ARHGEF10L: variants seen among roughly 807,000 people sequenced by gnomAD.
The protein encoded by ARHGEF10L is rho guanine nucleotide exchange factor 10-like protein.
Under a neutral mutation model 141.2 loss-of-function variants are expected in ARHGEF10L, and 69 were observed. The observed-to-expected ratio is 0.49, with a 90% CI of 0.40 to 0.60. ARHGEF10L has a LOEUF of 0.60. ARHGEF10L is among the 20% of genes least tolerant of loss of function. ARHGEF10L has a pLI of 0.00. For synonymous variants in ARHGEF10L, 711 were observed against 718.5 expected (o/e 0.99, Z 0.17); for missense variants, 1,482 against 1,734.3 (o/e 0.85, Z 2.58).
At chr1:17,593,240 A>G (rs562382174) in intron 4 of ARHGEF10L, among the ~76,000 whole-genome samples, 1 of 152,318 alleles carries the variant, frequency 6.6e-6, no homozygotes, top group African/African-American at 2.4e-5. Context: ...GAGATGGTGC[A>G]ACAATACTAA....
Position 17,664,471 on chromosome 1 carries a change from G to A in ARHGEF10L, c.2885G>A (p.Ser962Asn), listed in dbSNP as rs369004466. ...TSGGVLWDLE[S>N]PPVCLTVGPG... ...GGAGGTGTCCTGTGGGACCTGGAGAGCCCTCCCGTGTGCCTGACTGTGGGG... is the reference window on the plus strand; with the variant it reads ...GGAGGTGTCCTGTGGGACCTGGAGAACCCTCCCGTGTGCCTGACTGTGGGG... Residue 962 changes from serine (S) to asparagine (N), a missense_variant, in exon 26 of 29, where the codon AGC becomes AAC. Ser to Asn is a conservative substitution (Grantham distance 46). This residue lies in a region of ARHGEF10L where 858 missense variants were observed against 966.3 expected (regional missense o/e 0.89). Coordinates refer to ENST00000361221, the MANE Select transcript of ARHGEF10L (RefSeq NM_018125.4). 132 of 1,605,484 alleles carry A rather than the reference G, an allele frequency of 8.2e-5. No homozygotes were observed. Among genetic ancestry groups the A allele is most frequent in the Non-Finnish European group, 9.7e-5 (115 of 1,179,802 alleles).
In ARHGEF10L at chr1:17,637,981, G is replaced by A. The variant is rs2061109298; in HGVS notation, c.2021G>A (p.Ser674Asn). 2 of 1,592,954 alleles carry A rather than the reference G, an allele frequency of 1.3e-6. No homozygotes were observed. Among genetic ancestry groups the A allele is most frequent in the Admixed American group, 3.5e-5 (2 of 57,298 alleles). Residue 674 changes from serine (S) to asparagine (N), a missense_variant, in exon 19 of 29, where the codon AGC (serine) becomes AAC (asparagine). Around this residue, in one of 3 missense-constraint regions of ARHGEF10L, gnomAD observed 858 missense variants for 966.3 expected, o/e 0.89. Coordinates refer to ENST00000361221, the MANE Select transcript of ARHGEF10L (RefSeq NM_018125.4). ...GTGGAGCAGATCACGCTTCTCATCAGCACGCTGCACGGCACCTACCAGGTA... is the reference window on the plus strand; with the variant it reads ...GTGGAGCAGATCACGCTTCTCATCAACACGCTGCACGGCACCTACCAGGTA... ...AVVEQITLLI[S>N]TLHGTYQNLN...
At chr1:17,689,073 A>G (rs771805448) in intron 27 of ARHGEF10L, among the ~76,000 whole-genome samples, 2 of 152,090 alleles carry the variant, frequency 1.3e-5, no homozygotes, top group Non-Finnish European at 2.9e-5. Flanking sequence ...AGATGCAGAC[A>G]CTGAGATTGG....
chr1:17,621,716 G>A lies in ARHGEF10L; in HGVS notation c.943-148G>A, dbSNP rs2060117796. 2 of 699,852 alleles carry A rather than the reference G, an allele frequency of 2.9e-6. No individual in the cohort carries two copies. The highest frequency in any genetic ancestry group is 2.5e-6 in the Non-Finnish European group (1 of 395,166). The allele number at this position is 699,852 out of a possible 1,614,324, so 43.4% of individuals were successfully genotyped here. On this transcript the variant is annotated intron_variant, in intron 10 of 28. Transcript: ENST00000361221. The surrounding 1 kb of genome is among the most constrained non-coding windows in gnomAD (Gnocchi z 4.1). ...TTTAGGGTTGGCAGGGGCTCTGGAA[G>A]GAAGAGTGGCCACCAGGCCCAGTGG...
the ARHGEF10L span, among the ~76,000 whole-genome samples, chr1:17,526,215 A>G: frequency 2.4e-3 from 372 of 152,226 alleles, 10 homozygotes; most frequent in East Asian, 0.067. Flanking sequence ...TGCAAAGCCC[A>G]GGGAGCACAG....
At chr1:17,670,014 C>T (rs549917425) in intron 26 of ARHGEF10L, among the ~76,000 whole-genome samples, 7 of 152,358 alleles carry the variant, frequency 4.6e-5, no homozygotes, top group Admixed American at 1.3e-4. Context: ...CCAGGATCCC[C>T]GAGCTCGGCT....
intron 25 of ARHGEF10L, 40 bp from the exon 26 acceptor site, chr1:17,664,407 C>T (rs112137144): frequency 1.4e-4 from 218 of 1,586,154 alleles, no homozygotes; most frequent in African/African-American, 5.1e-4. Flanking sequence ...ACCTGCTTGC[C>T]GCTCCTGGCC....
chr1:17,577,627 G>A (rs1024017600), intron 1 of ARHGEF10L, among the ~76,000 whole-genome samples: 1 of 152,288 alleles, frequency 6.6e-6, no homozygotes. Context: ...CTGCGTCCTC[G>A]TCCCGACACT....
At chr1:17,518,992 A>G in the ARHGEF10L span, among the ~76,000 whole-genome samples, 1 of 151,262 alleles carries the variant, frequency 6.6e-6, no homozygotes, top group Non-Finnish European at 1.5e-5. Context: ...CCTGACCAAC[A>G]TGGAGAAACC....
At position 17,566,183 on chromosome 1, in the gene ARHGEF10L, A is replaced by G. The variant is rs1433579280; in HGVS notation, c.-43-14370A>G. On this transcript the variant is annotated intron_variant, in intron 1 of 28. Transcript: ENST00000361221. ...GATCCGGGTTTCCCAACCTCGATCC[A>G]TTGACATTTGGGCTGGATCATTCTT... Among the ~76,000 whole-genome samples the G allele has an allele frequency of 2.0e-5, 3 of 152,272 alleles. No homozygotes were observed. In the East Asian group the frequency reaches 5.8e-4, roughly 29 times the overall value.
chr1:17,516,631 A>G, the ARHGEF10L span, among the ~76,000 whole-genome samples: 1 of 152,148 alleles, frequency 6.6e-6, no homozygotes, highest in African/African-American at 2.4e-5. Flanking sequence ...TCTGGGAATG[A>G]GAATGCAGCC....
Position 17,697,624 on chromosome 1 carries a change from A to C in ARHGEF10L, c.*244A>C. On this transcript the variant is annotated 3_prime_UTR_variant, in exon 29 of 29. Transcript: ENST00000361221. The surrounding 1 kb of genome is among the most constrained non-coding windows in gnomAD (Gnocchi z 4.8). Reference sequence around the variant, plus strand: ...GAAATGGCCTTCTTTTTAAAAGCAAAAAACACAAAACCTCACAACTGCCTG... The same window carrying C: ...GAAATGGCCTTCTTTTTAAAAGCAACAAACACAAAACCTCACAACTGCCTG... 1.5e-6 allele frequency: 1 copy of C among 654,210 alleles called. No homozygotes were observed. Among genetic ancestry groups the C allele is most frequent in the Non-Finnish European group, 2.8e-6 (1 of 356,254 alleles). The allele number at this position is 654,210 out of a possible 1,614,324, so 40.5% of individuals were successfully genotyped here. A position where few individuals can be genotyped will look rare whatever the true frequency, so the allele number is the denominator to read the frequency against.
chr1:17,690,261 G>A (rs2065001591), intron 27 of ARHGEF10L, among the ~76,000 whole-genome samples: 2 of 152,182 alleles, frequency 1.3e-5, no homozygotes, highest in Admixed American at 1.3e-4. Flanking sequence ...ACCAGAGCCT[G>A]GAGCCAGAAT....
intron 1 of ARHGEF10L, among the ~76,000 whole-genome samples, chr1:17,543,501 G>T (rs61764869): frequency 0.08 from 12,079 of 151,784 alleles, 553 homozygotes; most frequent in African/African-American, 0.11. Context: ...GAGAATTGCT[G>T]GAACCCAGGA....
rs1275312532 is a variant in ARHGEF10L, at chr1:17,558,287, G to A, written c.-44+18337G>A. Among the ~76,000 whole-genome samples, 7 of 151,788 alleles carry A rather than the reference G, an allele frequency of 4.6e-5. No homozygotes were observed. The highest frequency in any genetic ancestry group is 4.2e-4 in the South Asian group (2 of 4,782). The stretch of plus-strand genomic sequence containing the variant: ...CATTCATCTATCCATCCACCCACCC[G>A]CCCATTTATTCACCCACTCATCCAC... On this transcript the variant is annotated intron_variant, in intron 1 of 28. Coordinates refer to ENST00000361221, the MANE Select transcript of ARHGEF10L (RefSeq NM_018125.4). The surrounding 1 kb of genome is among the most constrained non-coding windows in gnomAD (Gnocchi z 4.2).
At position 17,621,966 on chromosome 1, in the gene ARHGEF10L, G is replaced by A. The variant is rs2060132129; in HGVS notation, c.1020+25G>A. The A allele has an allele frequency of 2.5e-6, 4 of 1,613,190 alleles. No individual in the cohort carries two copies. The South Asian group carries it at 4.4e-5, about 18-fold the overall frequency. On this transcript the variant is annotated intron_variant, in intron 11 of 28. Coordinates refer to ENST00000361221, the MANE Select transcript of ARHGEF10L (RefSeq NM_018125.4). The surrounding 1 kb of genome is among the most constrained non-coding windows in gnomAD (Gnocchi z 4.1). The stretch of plus-strand genomic sequence containing the variant: ...GGTGCGACTTCAGGGAGTTCTCAAG[G>A]GTCTCTGGGGAGAAGCAGGGAGGGC...
rs2061510131 is a variant in ARHGEF10L at position 17,644,955 on chromosome 1, C to T, written c.2273-3599C>T. Reference sequence around the variant, plus strand: ...GCCACAGGCTCAGAGAGGGTAAGCACTTGGCTCCGTGTCACATAGTGAGTT... The same window carrying T: ...GCCACAGGCTCAGAGAGGGTAAGCATTTGGCTCCGTGTCACATAGTGAGTT... On this transcript the variant is annotated intron_variant, in intron 21 of 28. Transcript: ENST00000361221. This position sits in a 1 kb window ranked among gnomAD's most constrained non-coding sequence, Gnocchi z 4.5. Among the ~76,000 whole-genome samples the T allele has an allele frequency of 1.3e-5, 2 of 152,150 alleles. No homozygotes were observed. The highest frequency in any genetic ancestry group is 4.1e-4 in the South Asian group (2 of 4,826).
At position 17,648,615 on chromosome 1, in the gene ARHGEF10L, C is replaced by G; in HGVS notation, c.2334C>G (p.Phe778Leu). 6.2e-7 allele frequency: 1 copy of G among 1,613,524 alleles called. No individual in the cohort carries two copies. The highest frequency in any genetic ancestry group is 8.5e-7 in the Non-Finnish European group (1 of 1,180,038). The stretch of plus-strand genomic sequence containing the variant: ...AGGACAAGAAGAGCAAAGCCCCATT[C>G]TGGTGCCCGATCCTGGCCTGCTGCA... The part of the protein sequence containing the change: ...PDEDKKSKAP[F>L]WCPILACCIP... The change falls in exon 22 of 29, where the codon TTC becomes TTG. Residue 778 changes from phenylalanine (F) to leucine (L), a missense_variant. By Grantham distance (22) the Phe-to-Leu change is conservative (BLOSUM62 0). This residue lies in a region of ARHGEF10L where 858 missense variants were observed against 966.3 expected (regional missense o/e 0.89). Transcript: ENST00000361221.
chr1:17,566,702 T>A (rs1200254398), intron 1 of ARHGEF10L, among the ~76,000 whole-genome samples: 1 of 151,708 alleles, frequency 6.6e-6, no homozygotes, highest in Non-Finnish European at 1.5e-5. Flanking sequence ...CCTGGGAGAG[T>A]TGAGTCCAGA....
Sources: gnomAD v4.1 joint callset for allele counts (sites outside exome capture counted in the v4.1 genomes callset) on GRCh38, gnomAD v4.1.1 for gene constraint, gnomAD v4.1.1 regional missense constraint, Gnocchi (gnomAD v3.1) non-coding constraint, MANE v1.5 for transcripts, NCBI Gene and HGNC (gene_info 2026-07-23, HGNC 2026-07-21) for gene names.